Variants in HTR2C observed in about 807,000 individuals in gnomAD.
HTR2C encodes 5-hydroxytryptamine (serotonin) receptor 2C, G protein-coupled.
Under a neutral mutation model 21.0 loss-of-function variants are expected in HTR2C, and 5 were observed. The observed-to-expected ratio is 0.24, with a 90% CI of 0.12 to 0.50. The LOEUF is 0.50. HTR2C is among the 20% of genes least tolerant of loss of function. HTR2C has a pLI of 0.98. For synonymous variants in HTR2C, 150 were observed against 145.3 expected (o/e 1.03, Z -0.23); for missense variants, 271 against 371.2 (o/e 0.73, Z 2.22).
At chrX:114,878,340 T>A (rs930066340) in intron 5 of HTR2C, among the ~76,000 whole-genome samples, 2 of 110,528 alleles carry the variant, frequency 1.8e-5, no homozygotes, top group Non-Finnish European at 3.8e-5. Flanking sequence ...ACCCGTAGTA[T>A]AATTATCAAT....
chrX:114,687,210 G>T (rs1206880813), intron 2 of HTR2C, among the ~76,000 whole-genome samples: 1 of 112,467 alleles, frequency 8.9e-6, no homozygotes, highest in Non-Finnish European at 1.9e-5. Context: ...AGCAAGATAC[G>T]AAGTGGGAAA....
At chrX:114,705,448 G>T (rs1169640307) in intron 2 of HTR2C, among the ~76,000 whole-genome samples, 1 of 108,327 alleles carries the variant, frequency 9.2e-6, no homozygotes, top group Admixed American at 1.0e-4. Context: ...AGAAAAACAA[G>T]CAATGGGGAA....
intron 2 of HTR2C, among the ~76,000 whole-genome samples, chrX:114,633,769 C>G (rs1556404717): frequency 9.1e-6 from 1 of 109,668 alleles, no homozygotes; most frequent in Non-Finnish European, 1.9e-5. Context: ...GCATCATTCT[C>G]TCTCTCTATA....
intron 4 of HTR2C, among the ~76,000 whole-genome samples, chrX:114,835,779 G>A (rs782091742): frequency 6.9e-4 from 77 of 111,435 alleles, no homozygotes; most frequent in East Asian, 3.7e-3. Context: ...GAGGAGAGGC[G>A]CTCTGCTTTT....
intron 5 of HTR2C, among the ~76,000 whole-genome samples, chrX:114,866,382 AT>A (rs1260162335): frequency 1.2e-4 from 13 of 108,647 alleles, no homozygotes; most frequent in African/African-American, 3.3e-4. Flanking sequence ...TATATATTTA[AT>A]TTTTTTAGGT....
chrX:114,836,081 G>A (rs782588259), intron 4 of HTR2C, among the ~76,000 whole-genome samples: 6 of 108,757 alleles, frequency 5.5e-5, no homozygotes, highest in South Asian at 8.4e-4. Context: ...CTCCAGCTGC[G>A]TGCTGTGAGA....
intron 4 of HTR2C, among the ~76,000 whole-genome samples, chrX:114,780,946 GA>G (rs1556440442): frequency 1.8e-5 from 2 of 111,088 alleles, no homozygotes; most frequent in Admixed American, 1.9e-4. Context: ...TATCAATAAA[GA>G]AAAAAACTAT....
intron 5 of HTR2C, among the ~76,000 whole-genome samples, chrX:114,877,231 C>T (rs138658163): frequency 2.4e-4 from 27 of 111,368 alleles, no homozygotes; most frequent in African/African-American, 7.5e-4. Context: ...ACTTTGTTGG[C>T]ATGTAATTGT....
At chrX:114,596,318 C>A (rs1341643288) in intron 1 of HTR2C, among the ~76,000 whole-genome samples, 1 of 112,081 alleles carries the variant, frequency 8.9e-6, no homozygotes, top group Non-Finnish European at 1.9e-5. Context: ...CCAAAGTTAG[C>A]TTTCAGTGGA....
At chrX:114,744,531 C>A (rs1301008755) in intron 4 of HTR2C, among the ~76,000 whole-genome samples, 5 of 107,354 alleles carry the variant, frequency 4.7e-5, no homozygotes, top group Non-Finnish European at 9.6e-5. Context: ...CGGCTCACTG[C>A]AAGCTCTGCC....
chrX:114,888,011 A>AAAATAAAT (rs782245158), intron 5 of HTR2C, among the ~76,000 whole-genome samples: 1 of 110,779 alleles, frequency 9.0e-6, no homozygotes, highest in African/African-American at 3.3e-5. Flanking sequence ...GAGACTCTAA[A>AAAATAAAT]AAATAAATAA....
intron 2 of HTR2C, among the ~76,000 whole-genome samples, chrX:114,660,871 G>A (rs915140718): frequency 8.9e-6 from 1 of 112,035 alleles, no homozygotes; most frequent in Admixed American, 9.5e-5. Flanking sequence ...TAAACCGGTA[G>A]CAAGTCTCTT....
At chrX:114,795,486 C>T (rs1306153101) in intron 4 of HTR2C, among the ~76,000 whole-genome samples, 8 of 111,101 alleles carry the variant, frequency 7.2e-5, no homozygotes, top group Non-Finnish European at 1.3e-4. Flanking sequence ...TCTAGGGTTT[C>T]TATGGTTTTA....
chrX:114,596,996 T>C (rs1602624579), intron 1 of HTR2C, among the ~76,000 whole-genome samples: 1 of 110,332 alleles, frequency 9.1e-6, no homozygotes, highest in East Asian at 2.8e-4. Flanking sequence ...GGTGGGCAGA[T>C]CACATGAGGC....
intron 4 of HTR2C, among the ~76,000 whole-genome samples, chrX:114,764,908 TTTC>T (rs1569492244): frequency 7.1e-5 from 5 of 70,011 alleles, no homozygotes; most frequent in Admixed American, 1.9e-4. Context: ...TCTTTCTTTC[TTTC>T]TTTCTTTCTT....
At chrX:114,711,517 T>A (rs1382995552) in intron 2 of HTR2C, among the ~76,000 whole-genome samples, 2 of 111,796 alleles carry the variant, frequency 1.8e-5, no homozygotes, top group Non-Finnish European at 3.8e-5. Flanking sequence ...AACCTCTACA[T>A]GGGCAGAGCT....
At chrX:114,651,650 G>A (rs1405183739) in intron 2 of HTR2C, 5 of 124,498 alleles carry the variant, frequency 4.0e-5, no homozygotes, top group African/African-American at 1.6e-4. Context: ...GGTAAAACAT[G>A]AATTCTTAAA....
chrX:114,817,514 G>A (rs1279898604), intron 4 of HTR2C, among the ~76,000 whole-genome samples: 1 of 111,911 alleles, frequency 8.9e-6, no homozygotes, highest in Non-Finnish European at 1.9e-5. Context: ...AATGCTTGCA[G>A]CAACCCAGAA....
At chrX:114,741,379 C>T (rs782385928) in intron 4 of HTR2C, among the ~76,000 whole-genome samples, 6 of 104,120 alleles carry the variant, frequency 5.8e-5, no homozygotes, top group African/African-American at 1.4e-4. Flanking sequence ...ATTAGCCAGG[C>T]GTGGTGACAC....
Sources: gnomAD v4.1 joint callset for allele counts (sites outside exome capture counted in the v4.1 genomes callset) on GRCh38, gnomAD v4.1.1 for gene constraint, MANE v1.5 for transcripts, NCBI Gene and HGNC (gene_info 2026-07-23, HGNC 2026-07-21) for gene names.